The following PXDNL variants were observed in gnomAD, a reference collection of about 807,000 sequenced individuals.
The protein encoded by PXDNL is probable oxidoreductase PXDNL.
A neutral mutation model predicts 150.8 loss-of-function variants in PXDNL; 145 were observed. The ratio of observed to expected loss-of-function variants is 0.96; its 90% CI spans 0.84 to 1.10. PXDNL has a LOEUF of 1.10. Ranked by LOEUF, PXDNL falls within the 50% of genes least tolerant of loss-of-function variation. PXDNL has a pLI of 0.00. For missense variants in PXDNL, 2,087 were observed against 1,873.9 expected (o/e 1.11, Z -2.10); for synonymous variants, 757 against 725.7 (o/e 1.04, Z -0.69).
chr8:51,545,077 G>A (rs1026993432), intron 4 of PXDNL, among the ~76,000 whole-genome samples: 76 of 152,102 alleles, frequency 5.0e-4, no homozygotes, highest in Non-Finnish European at 2.4e-4. Context: ...ACAACAGCAT[G>A]GAATCAGTTT....
intron 12 of PXDNL, among the ~76,000 whole-genome samples, chr8:51,433,960 A>G (rs1032644376): frequency 2.6e-5 from 4 of 152,166 alleles, no homozygotes; most frequent in African/African-American, 9.6e-5. Context: ...TATTATCTAT[A>G]TGTTCATCAG....
chr8:51,463,993 G>C (rs1183288055), intron 8 of PXDNL, among the ~76,000 whole-genome samples: 2 of 147,910 alleles, frequency 1.4e-5, no homozygotes, highest in East Asian at 2.0e-4. Flanking sequence ...AGTTAAGAAA[G>C]ATCTCAAATT....
chr8:51,436,049 G>C (rs991677589), intron 12 of PXDNL: 4 of 527,050 alleles, frequency 7.6e-6, no homozygotes, highest in African/African-American at 3.9e-5. Context: ...AATAGTCATA[G>C]CCTAGCTGAA....
chr8:51,738,941 AG>A (rs1447419041), intron 1 of PXDNL, among the ~76,000 whole-genome samples: 149 of 142,104 alleles, frequency 1.0e-3, no homozygotes, highest in African/African-American at 4.3e-3. Context: ...ACAAAAAAAA[AG>A]AAAACTACAC....
intron 1 of PXDNL, among the ~76,000 whole-genome samples, chr8:51,692,837 A>G (rs1280285720): frequency 2.0e-5 from 3 of 152,234 alleles, no homozygotes; most frequent in African/African-American, 7.2e-5. Flanking sequence ...CATCTTCCCC[A>G]TGGAAAACAT....
At chr8:51,512,190 T>C (rs1811437565) in intron 4 of PXDNL, among the ~76,000 whole-genome samples, 1 of 152,296 alleles carries the variant, frequency 6.6e-6, no homozygotes, top group South Asian at 2.1e-4. Context: ...CAGCATAATG[T>C]AGAAATTTCA....
chr8:51,446,652 A>C (rs532952895), intron 12 of PXDNL, among the ~76,000 whole-genome samples: 22 of 152,288 alleles, frequency 1.4e-4, no homozygotes, highest in Admixed American at 1.4e-3. Context: ...AACATACTTC[A>C]GTGTCAGAGT....
At chr8:51,746,312 A>G (rs1362300777) in intron 1 of PXDNL, among the ~76,000 whole-genome samples, 3 of 152,220 alleles carry the variant, frequency 2.0e-5, no homozygotes, top group Non-Finnish European at 4.4e-5. Flanking sequence ...ACATTGCCCT[A>G]GAACAGTCCC....
chr8:51,772,301 G>A (rs1182543027), intron 1 of PXDNL, among the ~76,000 whole-genome samples: 4 of 151,194 alleles, frequency 2.6e-5, no homozygotes, highest in African/African-American at 7.3e-5. Context: ...CTCCTTGCAT[G>A]CCCCACTCTC....
intron 4 of PXDNL, among the ~76,000 whole-genome samples, chr8:51,501,635 GTCTCATGTACA>G (rs1811181387): frequency 6.6e-6 from 1 of 151,734 alleles, no homozygotes; most frequent in African/African-American, 2.4e-5. Flanking sequence ...CACTCACACT[GTCTCATGTACA>G]CTAACACACT....
At chr8:51,691,549 G>C (rs888554214) in intron 1 of PXDNL, among the ~76,000 whole-genome samples, 2 of 151,150 alleles carry the variant, frequency 1.3e-5, no homozygotes, top group African/African-American at 4.9e-5. Context: ...TTACAAGTAA[G>C]TTTGACTTAA....
At chr8:51,754,488 A>T (rs1040286988) in intron 1 of PXDNL, among the ~76,000 whole-genome samples, 2 of 147,010 alleles carry the variant, frequency 1.4e-5, no homozygotes, top group African/African-American at 4.9e-5. Flanking sequence ...TAGTTCATCC[A>T]GGCCTTGAAA....
At chr8:51,549,031 C>T (rs1356497718) in intron 4 of PXDNL, among the ~76,000 whole-genome samples, 1 of 152,116 alleles carries the variant, frequency 6.6e-6, no homozygotes, top group Admixed American at 6.5e-5. Flanking sequence ...AATAGCTATT[C>T]TTACATCAGA....
chr8:51,592,102 T>A (rs1337807088), intron 3 of PXDNL, among the ~76,000 whole-genome samples: 1 of 152,222 alleles, frequency 6.6e-6, no homozygotes, highest in African/African-American at 2.4e-5. Context: ...AATATCTTTA[T>A]TCCCATTTAC....
Position 51,516,536 on chromosome 8 carries a change from C to T in PXDNL, c.381-16766G>A, listed in dbSNP as rs139873709. ...ATAAGTAATTAGGGTTTGTTGATGG[C>T]GCTTTATTTTACTTTAAATCGACAT... On this transcript the variant is annotated intron_variant, in intron 4 of 22. Transcript: ENST00000356297. Among the ~76,000 whole-genome samples, 433 of 152,214 alleles carry T rather than the reference C, an allele frequency of 2.8e-3. 5 individuals carry two copies. The highest frequency in any genetic ancestry group is 9.8e-3 in the African/African-American group (406 of 41,534).
At chr8:51,770,379 T>C (rs1300498043) in intron 1 of PXDNL, among the ~76,000 whole-genome samples, 4 of 152,178 alleles carry the variant, frequency 2.6e-5, no homozygotes, top group South Asian at 4.1e-4. Flanking sequence ...ATGGAGCTAA[T>C]AGTAAAGCAA....
chr8:51,416,735 G>A (rs936761395), intron 14 of PXDNL, among the ~76,000 whole-genome samples: 6 of 152,162 alleles, frequency 3.9e-5, no homozygotes, highest in African/African-American at 1.4e-4. Flanking sequence ...GTGTGTAAAA[G>A]TGAAAAGGAG....
At chr8:51,537,146 C>T (rs138090478) in intron 4 of PXDNL, among the ~76,000 whole-genome samples, 5 of 152,264 alleles carry the variant, frequency 3.3e-5, no homozygotes, top group African/African-American at 9.6e-5. Flanking sequence ...TGATTCCTAA[C>T]CCTGACCACA....
chr8:51,654,669 G>A lies in PXDNL; in HGVS notation c.236+20C>T. The A allele has an allele frequency of 1.3e-6, 2 of 1,591,966 alleles. No individual in the cohort carries two copies. Among genetic ancestry groups the A allele is most frequent in the Non-Finnish European group, 1.7e-6 (2 of 1,160,990 alleles). ...AGCATATAATTTTAGGAACCTTACA[G>A]ATAAGCAATAAGTACTCACAGTGTG... On this transcript the variant is annotated intron_variant, in intron 2 of 22. Transcript: ENST00000356297.
Sources: gnomAD v4.1 joint callset for allele counts (sites outside exome capture counted in the v4.1 genomes callset) on GRCh38, gnomAD v4.1.1 for gene constraint, MANE v1.5 for transcripts, NCBI Gene and HGNC (gene_info 2026-07-23, HGNC 2026-07-21) for gene names.